The following TRIM2 variants were observed in gnomAD, a reference collection of about 807,000 sequenced individuals.
TRIM2 encodes tripartite motif containing 2, also known as tripartite motif-containing protein 2.
A neutral mutation model predicts 75.2 loss-of-function variants in TRIM2; 20 were observed. The ratio of observed to expected loss-of-function variants is 0.27; its 90% CI spans 0.19 to 0.39. The LOEUF is 0.39. Ranked by LOEUF, TRIM2 falls within the 10% of genes least tolerant of loss-of-function variation. The probability of loss-of-function intolerance (pLI) is 1.00; values close to 1 mark genes in which losing one functional copy is unlikely to be tolerated. For synonymous variants in TRIM2, 373 were observed against 388.3 expected (o/e 0.96, Z 0.46); for missense variants, 660 against 990.8 (o/e 0.67, Z 4.48).
chr4:153,260,700 C>CCCCACA (rs1560902966), intron 1 of TRIM2, among the ~76,000 whole-genome samples: 13 of 67,874 alleles, frequency 1.9e-4, no homozygotes, highest in South Asian at 8.9e-4. Flanking sequence ...ACCCCCCCCC[C>CCCCACA]CACACACACA....
At chr4:153,196,273 A>ACC (rs757005627) in intron 1 of TRIM2, among the ~76,000 whole-genome samples, 1 of 129,894 alleles carries the variant, frequency 7.7e-6, no homozygotes, top group Non-Finnish European at 1.6e-5. Flanking sequence ...ACCCCCCCCC[A>ACC]CACACACACA....
chr4:153,247,142 T>G (rs1309980400), intron 1 of TRIM2, among the ~76,000 whole-genome samples: 1 of 152,194 alleles, frequency 6.6e-6, no homozygotes. Flanking sequence ...AGGACTCATT[T>G]CCACAGGCCG....
At chr4:153,227,441 G>C (rs1421686449) in intron 1 of TRIM2, among the ~76,000 whole-genome samples, 1 of 152,064 alleles carries the variant, frequency 6.6e-6, no homozygotes, top group African/African-American at 2.4e-5. Flanking sequence ...CTCTTTAATC[G>C]CCAAAATAGC....
intron 11 of TRIM2, among the ~76,000 whole-genome samples, chr4:153,333,498 T>C (rs529404400): frequency 3.9e-5 from 6 of 152,190 alleles, no homozygotes; most frequent in East Asian, 1.9e-4. Context: ...GATGTGACCA[T>C]TGGAGGAAAC....
At chr4:153,220,011 T>A (rs1739527242) in intron 1 of TRIM2, among the ~76,000 whole-genome samples, 1 of 152,198 alleles carries the variant, frequency 6.6e-6, no homozygotes, top group African/African-American at 2.4e-5. Flanking sequence ...ATCCAGAGAT[T>A]AAATAGGACG....
chr4:153,162,063 C>A lies in TRIM2; in HGVS notation c.-49+8793C>A, dbSNP rs146614945. Among the ~76,000 whole-genome samples, 219 of 152,240 alleles carry A rather than the reference C, an allele frequency of 1.4e-3. 1 individual carries two copies. Among genetic ancestry groups the A allele is most frequent in the African/African-American group, 5.1e-3 (211 of 41,552 alleles). ...AGCTTTCTGTTGTCTGCATTCTTGC[C>A]AAATTTCTAAACTTTCAAGGGTAAG... On this transcript the variant is annotated intron_variant, in intron 1 of 11. Transcript: ENST00000437508.
intron 1 of TRIM2, among the ~76,000 whole-genome samples, chr4:153,196,089 C>T (rs1014046037): frequency 6.6e-5 from 10 of 152,258 alleles, no homozygotes; most frequent in East Asian, 5.8e-4. Flanking sequence ...GGATTACAGG[C>T]GTGAGCCACT....
chr4:153,223,490 C>T (rs889967076), intron 1 of TRIM2, among the ~76,000 whole-genome samples: 19 of 152,188 alleles, frequency 1.2e-4, no homozygotes, highest in Non-Finnish European at 2.4e-4. Context: ...TTTGCCCCAG[C>T]TCGTACTACA....
chr4:153,286,082 A>G (rs1198740605), intron 3 of TRIM2, among the ~76,000 whole-genome samples: 1 of 152,244 alleles, frequency 6.6e-6, no homozygotes, highest in East Asian at 1.9e-4. Context: ...ACATTAATTC[A>G]GATGATAATG....
Position 153,339,016 on chromosome 4 carries a change from CAT to C in TRIM2, c.*4053_*4054del, listed in dbSNP as rs1772796062. 1.0e-6 allele frequency: 1 copy of C among 979,874 alleles called. No homozygotes were observed. Among genetic ancestry groups the C allele is most frequent in the Admixed American group, 6.4e-5 (1 of 15,640 alleles). 60.7% of individuals were successfully genotyped at this position (979,874 alleles called of 1,614,324 possible). On this transcript the variant is annotated 3_prime_UTR_variant, in exon 12 of 12. Transcript: ENST00000338700. Reference sequence around the variant, plus strand: ...ACATTCCATCTTTATAGGTCTGTTTCATATGTTTTATGTATAGAACACTAAGT... The same window carrying C: ...ACATTCCATCTTTATAGGTCTGTTTCATGTTTTATGTATAGAACACTAAGT...
At chr4:153,302,900 G>T (rs1764213993) in intron 6 of TRIM2, among the ~76,000 whole-genome samples, 1 of 152,156 alleles carries the variant, frequency 6.6e-6, no homozygotes, top group Non-Finnish European at 1.5e-5. Flanking sequence ...ATACACAGAA[G>T]AATGCTTTGC....
intron 1 of TRIM2, among the ~76,000 whole-genome samples, chr4:153,162,646 A>G (rs929357420): frequency 6.6e-6 from 1 of 152,246 alleles, no homozygotes; most frequent in Non-Finnish European, 1.5e-5. Context: ...AGGCACATAG[A>G]CACATAAAAT....
chr4:153,196,833 G>A (rs938301520), intron 1 of TRIM2, among the ~76,000 whole-genome samples: 1 of 152,194 alleles, frequency 6.6e-6, no homozygotes, highest in African/African-American at 2.4e-5. Context: ...AAACCTCAGT[G>A]GTGTTAAAAC....
chr4:153,173,429 C>T (rs551581646), intron 1 of TRIM2, among the ~76,000 whole-genome samples: 10 of 151,530 alleles, frequency 6.6e-5, no homozygotes, highest in Non-Finnish European at 1.3e-4. Context: ...TTTGGGAGGC[C>T]GAGGGGGGTG....
intron 8 of TRIM2, among the ~76,000 whole-genome samples, chr4:153,316,534 A>G (rs1376404858): frequency 6.6e-6 from 1 of 152,242 alleles, no homozygotes. Flanking sequence ...TGAGTCGTAC[A>G]TTGATACAAT....
chr4:153,293,482 A>G (rs2150135574), intron 4 of TRIM2, among the ~76,000 whole-genome samples: 1 of 152,268 alleles, frequency 6.6e-6, no homozygotes, highest in South Asian at 2.1e-4. Flanking sequence ...GCTGTTCCTG[A>G]CACACATACA....
At chr4:153,202,079 T>G (rs927221065), upstream of TRIM2, among the ~76,000 whole-genome samples, 3 of 152,204 alleles carry the variant, frequency 2.0e-5, no homozygotes, top group Non-Finnish European at 4.4e-5. Context: ...TAATACAAAT[T>G]AAACACCAGT....
At chr4:153,257,860 ATGGTGAT>A (rs1752458374) in intron 1 of TRIM2, 1 of 336,848 alleles carries the variant, frequency 3.0e-6, no homozygotes, top group African/African-American at 2.2e-5. Flanking sequence ...TTCATCTCTC[ATGGTGAT>A]GCTGCATCCT....
At chr4:153,264,895 G>C (rs1754529976) in intron 1 of TRIM2, among the ~76,000 whole-genome samples, 1 of 152,054 alleles carries the variant, frequency 6.6e-6, no homozygotes, top group Admixed American at 6.6e-5. Flanking sequence ...GCCTTCAACA[G>C]GTCACTTGTG....
Sources: gnomAD v4.1 joint callset for allele counts (sites outside exome capture counted in the v4.1 genomes callset) on GRCh38, gnomAD v4.1.1 for gene constraint, MANE v1.5 for transcripts, NCBI Gene and HGNC (gene_info 2026-07-23, HGNC 2026-07-21) for gene names.